Variants in UPF1 observed in about 807,000 individuals in gnomAD.
The protein encoded by UPF1 is regulator of nonsense transcripts 1.
In UPF1, 9 loss-of-function variants were observed where a neutral mutation model predicts 129.2. That is an observed-to-expected ratio of 0.07 (90% CI 0.04 to 0.12). The LOEUF (loss-of-function observed/expected upper bound fraction) is 0.12. Ranked by LOEUF, UPF1 falls within the 10% of genes least tolerant of loss-of-function variation. UPF1 has a pLI of 1.00. For missense variants in UPF1, 788 were observed against 1,525.3 expected, an observed-to-expected ratio of 0.52 and a Z score of 8.05; for synonymous variants, 649 against 644.9, an observed-to-expected ratio of 1.01 and a Z score of -0.10.
chr19:18,836,858 A>G (rs2055488763), intron 1 of UPF1, among the ~76,000 whole-genome samples: 1 of 149,670 alleles, frequency 6.7e-6, no homozygotes, highest in African/African-American at 2.5e-5. Context: ...GGTTCAAGCG[A>G]TTCTCCTGCC....
chr19:18,837,425 T>C (rs1340796876), intron 1 of UPF1, among the ~76,000 whole-genome samples: 1 of 152,200 alleles, frequency 6.6e-6, no homozygotes, highest in Admixed American at 6.5e-5. Flanking sequence ...TACACCTACC[T>C]GTGACCTAGC....
In UPF1 at chr19:18,866,210, GAGA is replaced by G. The variant is rs749955297; in HGVS notation, c.*3+47_*3+49del. 12 of 1,519,792 alleles carry G rather than the reference GAGA, an allele frequency of 7.9e-6. No individual in the cohort carries two copies. The South Asian group carries it at 1.0e-4, about 13-fold the overall frequency. 94.1% of individuals were successfully genotyped at this position (1,519,792 alleles called of 1,614,324 possible). A position where few individuals can be genotyped will look rare whatever the true frequency, so the allele number is the denominator to read the frequency against. On this transcript the variant is annotated intron_variant, in intron 23 of 23. Transcript: ENST00000262803. ...GGCCTGGCCCCACCCCAGCCTCAAG[GAGA>G]AGGATGGGAGGGGGCTCTCCCCAGG... is the stretch of plus-strand genomic sequence containing the variant.
At chr19:18,834,605 C>T (rs1167293684) in intron 1 of UPF1, among the ~76,000 whole-genome samples, 1 of 152,172 alleles carries the variant, frequency 6.6e-6, no homozygotes, top group African/African-American at 2.4e-5. Flanking sequence ...AGATGCCCCA[C>T]CCACCTGTTA....
chr19:18,866,946 C>G lies in UPF1; in HGVS notation c.*429C>G, dbSNP rs1183384203. ...AGCAGGCTCCTTGCAAAGACAGCAG[C>G]GTGCGGGGCAGAGCCCCGGGAGGGC... On this transcript the variant is annotated 3_prime_UTR_variant, in exon 24 of 24. Coordinates refer to ENST00000262803, the MANE Select transcript of UPF1 (RefSeq NM_002911.4). The G allele has an allele frequency of 1.3e-5, 2 of 152,624 alleles. No individual in the cohort carries two copies. Among genetic ancestry groups the G allele is most frequent in the Non-Finnish European group, 2.9e-5 (2 of 68,052 alleles). 9.5% of individuals were successfully genotyped at this position (152,624 alleles called of 1,614,324 possible). A position where few individuals can be genotyped will look rare whatever the true frequency, so the allele number is the denominator to read the frequency against.
chr19:18,852,221 C>G lies in UPF1; in HGVS notation c.897C>G (p.Ala299=), dbSNP rs748374693. Residue 299 remains alanine (A), a synonymous_variant, in exon 6 of 24, where the codon GCC becomes GCG. Transcript: ENST00000262803. The stretch of plus-strand genomic sequence containing the variant: ...ATGTCCTCCTGCGGTACGAGGACGC[C>G]TACCAGTACCAGAACATATTCGGGC... ...PQHVLLRYED[A]YQYQNIFGPL... The G allele has an allele frequency of 6.2e-7, 1 of 1,613,724 alleles. No individual in the cohort carries two copies. The highest frequency in any genetic ancestry group is 8.5e-7 in the Non-Finnish European group (1 of 1,179,794).
Position 18,853,688 on chromosome 19 carries a change from G to A in UPF1, c.1156+338G>A, listed in dbSNP as rs752546519. Among the ~76,000 whole-genome samples the A allele has an allele frequency of 3.3e-5, 5 of 152,226 alleles. No individual in the cohort carries two copies. Among genetic ancestry groups the A allele is most frequent in the Admixed American group, 2.6e-4 (4 of 15,278 alleles). The stretch of plus-strand genomic sequence containing the variant: ...TGGAGGTTAATGTGGCTGCAGGAGC[G>A]CCTTACCTGGACGCTGACTCTGCAC... On this transcript the variant is annotated intron_variant, in intron 8 of 23. Transcript: ENST00000262803. The surrounding 1 kb of genome is among the most constrained non-coding windows in gnomAD (Gnocchi z 4.4).
Position 18,853,416 on chromosome 19 carries a change from G to A in UPF1, c.1156+66G>A. ...AGGAAAGTGGGGGCATCAGGTGGAGGCCACTGTGGATTTGATGCTCACTGC... is the reference window on the plus strand; with the variant it reads ...AGGAAAGTGGGGGCATCAGGTGGAGACCACTGTGGATTTGATGCTCACTGC... On this transcript the variant is annotated intron_variant, in intron 8 of 23. Transcript: ENST00000262803. This position sits in a 1 kb window ranked among gnomAD's most constrained non-coding sequence, Gnocchi z 4.4. 6.8e-7 allele frequency: 1 copy of A among 1,460,708 alleles called. No individual in the cohort carries two copies. The highest frequency in any genetic ancestry group is 9.2e-7 in the Non-Finnish European group (1 of 1,082,682). The allele number at this position is 1,460,708 out of a possible 1,614,324, so 90.5% of individuals were successfully genotyped here. A position where few individuals can be genotyped will look rare whatever the true frequency, so the allele number is the denominator to read the frequency against.
intron 2 of UPF1, among the ~76,000 whole-genome samples, 199 bp downstream of exon 2, chr19:18,846,318 A>G (rs1422180438): frequency 3.3e-5 from 5 of 152,008 alleles, no homozygotes; most frequent in African/African-American, 1.2e-4. Context: ...GGGCTCAGCA[A>G]CCTCCGACAC....
In UPF1 at chr19:18,866,246, A is replaced by G. The variant is rs1003986110; in HGVS notation, c.*3+80A>G. 1.9e-5 allele frequency: 28 copies of G among 1,458,328 alleles called. No individual in the cohort carries two copies. The Middle Eastern group carries it at 6.9e-4, about 36-fold the overall frequency. 90.3% of individuals were successfully genotyped at this position (1,458,328 alleles called of 1,614,324 possible). A position where few individuals can be genotyped will look rare whatever the true frequency, so the allele number is the denominator to read the frequency against. On this transcript the variant is annotated intron_variant, in intron 23 of 23. Transcript: ENST00000262803. The stretch of plus-strand genomic sequence containing the variant: ...GAGGGGGCTCTCCCCAGGGAGCTGC[A>G]CTGGAGGGGTGGTATCTGGAAATGT...
intron 1 of UPF1, among the ~76,000 whole-genome samples, chr19:18,833,551 G>A (rs1165984940): frequency 1.3e-5 from 2 of 151,992 alleles, no homozygotes; most frequent in Admixed American, 6.6e-5. Flanking sequence ...TGCTTGCCTG[G>A]GGTGGGAGAG....
rs1601110575 is a variant in UPF1 at position 18,850,900 on chromosome 19, T to C, written c.810+32T>C. ...CTGCCCAGCGGGCCGACCCGTGCCTTCGTGTGGTTTCTGGTTGCGGGGAGG... is the reference window on the plus strand; with the variant it reads ...CTGCCCAGCGGGCCGACCCGTGCCTCCGTGTGGTTTCTGGTTGCGGGGAGG... On this transcript the variant is annotated intron_variant, in intron 5 of 23. Transcript: ENST00000262803. The surrounding 1 kb of genome is among the most constrained non-coding windows in gnomAD (Gnocchi z 7.1). 1 of 1,506,362 alleles carries C rather than the reference T, an allele frequency of 6.6e-7. No homozygotes were observed. Among genetic ancestry groups the C allele is most frequent in the African/African-American group, 1.4e-5 (1 of 72,614 alleles). 93.3% of individuals were successfully genotyped at this position (1,506,362 alleles called of 1,614,324 possible).
Position 18,866,137 on chromosome 19 carries a change from G to A in UPF1, c.3331G>A (p.Gly1111Arg), listed in dbSNP as rs763281916. 4 of 1,610,014 alleles carry A rather than the reference G, an allele frequency of 2.5e-6. No individual in the cohort carries two copies. Among genetic ancestry groups the A allele is most frequent in the South Asian group, 1.1e-5 (1 of 90,544 alleles). The change falls in exon 23 of 24, where the codon GGG becomes AGG. Residue 1111 changes from glycine to arginine, a missense_variant. Physicochemically the swap from Gly to Arg is moderately radical, Grantham distance 125. This residue lies in a region of UPF1 where 218 missense variants were observed against 318.1 expected (regional missense o/e 0.69). Coordinates refer to ENST00000262803, the MANE Select transcript of UPF1 (RefSeq NM_002911.4). Reference sequence around the variant, plus strand: ...GGGAGAGCGGGCTTACCAGCATGGCGGGGTGACGGGGCTGTCCCAGTATTA... The same window carrying A: ...GGGAGAGCGGGCTTACCAGCATGGCAGGGTGACGGGGCTGTCCCAGTATTA... ...YQGERAYQHG[G>R]VTGLSQY
rs985267263 is a variant in UPF1 at position 18,852,769 on chromosome 19, C to T, written c.973-218C>T. Among the ~76,000 whole-genome samples the T allele has an allele frequency of 2.0e-5, 3 of 152,136 alleles. No homozygotes were observed. In the South Asian group the frequency reaches 6.2e-4, roughly 32 times the overall value. On this transcript the variant is annotated intron_variant, in intron 6 of 23. Transcript: ENST00000262803. The stretch of plus-strand genomic sequence containing the variant: ...AGGCCTCTGGTGTGCGGTGAAGCCT[C>T]CAGACGGGATTGGCCTGTGTGTGTT...
chr19:18,831,970 T>C lies in UPF1; in HGVS notation c.-240T>C, dbSNP rs1427811414. On this transcript the variant is annotated 5_prime_UTR_variant, in exon 1 of 24. Transcript: ENST00000262803. Reference sequence around the variant, plus strand: ...GCGGCGGTGGCGGCAGTTCCTGCTCTAGGCTGCGAGCGGCTGGCGGCTTCG... The same window carrying C: ...GCGGCGGTGGCGGCAGTTCCTGCTCCAGGCTGCGAGCGGCTGGCGGCTTCG... The C allele has an allele frequency of 1.9e-5, 5 of 266,618 alleles. No individual in the cohort carries two copies. The highest frequency in any genetic ancestry group is 3.5e-5 in the Non-Finnish European group (5 of 143,158). 16.5% of individuals were successfully genotyped at this position (266,618 alleles called of 1,614,324 possible).
chr19:18,838,339 C>G (rs893349259), intron 1 of UPF1, among the ~76,000 whole-genome samples: 4 of 152,012 alleles, frequency 2.6e-5, no homozygotes, highest in African/African-American at 9.7e-5. Flanking sequence ...AGAGTGAGAC[C>G]TTGTCTTAAT....
chr19:18,861,829 A>C (rs1238249378), intron 17 of UPF1, among the ~76,000 whole-genome samples, 181 bp from the exon 18 acceptor site: 1 of 152,134 alleles, frequency 6.6e-6, no homozygotes, highest in Non-Finnish European at 1.5e-5. Context: ...TCCTGTCTCT[A>C]AAAAAAGAAA....
Position 18,832,175 on chromosome 19 carries a change from G to C in UPF1, c.-35G>C. 1 of 1,505,932 alleles carries C rather than the reference G, an allele frequency of 6.6e-7. No individual in the cohort carries two copies. Among genetic ancestry groups the C allele is most frequent in the Non-Finnish European group, 8.9e-7 (1 of 1,123,578 alleles). 93.3% of individuals were successfully genotyped at this position (1,505,932 alleles called of 1,614,324 possible). A position where few individuals can be genotyped will look rare whatever the true frequency, so the allele number is the denominator to read the frequency against. On this transcript the variant is annotated 5_prime_UTR_variant, in exon 1 of 24. Coordinates refer to ENST00000262803, the MANE Select transcript of UPF1 (RefSeq NM_002911.4). This position sits in a 1 kb window ranked among gnomAD's most constrained non-coding sequence, Gnocchi z 5.6. ...GCGCGGCGGCGGGCTCGAGTGCAGC[G>C]CGGAACCGGCCCGAGGGCCCTACCC... is the stretch of plus-strand genomic sequence containing the variant.
chr19:18,863,077 G>A (rs1056425384), intron 18 of UPF1: 1 of 220,298 alleles, frequency 4.5e-6, no homozygotes, highest in Admixed American at 5.2e-5. Context: ...AGGTGGGCTA[G>A]AGGAGCTGGG....
At chr19:18,863,890 G>A (rs1024813283) in intron 19 of UPF1, among the ~76,000 whole-genome samples, 1 of 152,190 alleles carries the variant, frequency 6.6e-6, no homozygotes, top group Non-Finnish European at 1.5e-5. Context: ...GACACGGGCA[G>A]TTGGAAGCTT....
Sources: allele counts gnomAD v4.1 joint callset (sites outside exome capture counted in the v4.1 genomes callset), GRCh38; gene constraint gnomAD v4.1.1; regional missense constraint gnomAD v4.1.1; non-coding constraint Gnocchi (gnomAD v3.1); transcripts MANE v1.5; gene names NCBI Gene and HGNC (gene_info 2026-07-23, HGNC 2026-07-21).